The following PROSER3 variants were observed in gnomAD, a reference collection of about 807,000 sequenced individuals.
The protein encoded by PROSER3 is proline and serine-rich protein 3.
Under a neutral mutation model 50.2 loss-of-function variants are expected in PROSER3, and 33 were observed. The ratio of observed to expected loss-of-function variants is 0.66; its 90% CI spans 0.50 to 0.88. The LOEUF (loss-of-function observed/expected upper bound fraction) is 0.88, where lower values mean the gene tolerates loss of function less well. Among genes scored for constraint, PROSER3 ranks in the 40% least tolerant of loss-of-function variants. The probability of loss-of-function intolerance (pLI) is 0.00; values close to 1 mark genes in which losing one functional copy is unlikely to be tolerated. For missense variants in PROSER3, 623 were observed against 612.7 expected (o/e 1.02, Z -0.18); for synonymous variants, 266 against 259.3 (o/e 1.03, Z -0.25).
intron 3 of PROSER3, 84 bp from the exon 4 acceptor site, chr19:35,761,935 T>C (rs1047284794): frequency 7.1e-7 from 1 of 1,415,794 alleles, no homozygotes; most frequent in African/African-American, 1.4e-5. Context: ...CCATGGTGCT[T>C]GGTAAACGTT....
chr19:35,768,190 C>T (rs1971235694), exon 10 of PROSER3: 8 of 1,613,670 alleles, frequency 5.0e-6, no homozygotes, highest in Non-Finnish European at 6.8e-6. Context: ...CGATCCCGTG[C>T]TGCAGGTGCT....
chr19:35,765,049 C>T, exon 7 of PROSER3: 1 of 1,613,720 alleles, frequency 6.2e-7, no homozygotes, highest in Non-Finnish European at 8.5e-7. Flanking sequence ...CCTCCATCTC[C>T]TCCTCCTCCT....
At chr19:35,762,397 G>A in intron 5 of PROSER3, 41 bp downstream of exon 5, 1 of 1,494,154 alleles carries the variant, frequency 6.7e-7, no homozygotes, top group Non-Finnish European at 9.2e-7. Context: ...TGCCTGAACT[G>A]ACAACACCAG....
At chr19:35,766,797 C>G (rs773248717) in exon 8 of PROSER3, 3 of 1,550,952 alleles carry the variant, frequency 1.9e-6, no homozygotes, top group East Asian at 4.9e-5. Context: ...GGCCCAGACC[C>G]CCACCCCTGC....
downstream of PROSER3, among the ~76,000 whole-genome samples, chr19:35,770,328 G>A (rs959189451): frequency 7.2e-5 from 11 of 152,084 alleles, no homozygotes; most frequent in South Asian, 2.1e-4. Flanking sequence ...GTGAGCCACC[G>A]CACCTGGCCT....
chr19:35,759,887 G>A lies in PROSER3; in HGVS notation c.207G>A (p.Trp69Ter). 1 of 1,592,420 alleles carries A rather than the reference G, an allele frequency of 6.3e-7. No individual in the cohort carries two copies. Among genetic ancestry groups the A allele is most frequent in the South Asian group, 1.1e-5 (1 of 87,368 alleles). The change falls in exon 3 of 11, where the codon TGG becomes TGA. Residue 69 changes from tryptophan to a stop codon, truncating the protein, a stop_gained. Transcript: ENST00000396908. LOFTEE classifies it high-confidence loss of function. Reference sequence around the variant, plus strand: ...CCCCTGAGCTGTTTGAGGAGTCCTGGCCATCCAGTTCAGGGACCCCCTCCC... The same window carrying A: ...CCCCTGAGCTGTTTGAGGAGTCCTGACCATCCAGTTCAGGGACCCCCTCCC...
rs769264885 is a variant in PROSER3, at chr19:35,765,223, C to T, written c.769+47C>T. The T allele has an allele frequency of 7.6e-6, 12 of 1,584,284 alleles. No homozygotes were observed. In the East Asian group the frequency reaches 2.5e-4, roughly 33 times the overall value. ...CTGAGGGCAGCCTGGGTGCAAATCC[C>T]AACTCTGCCACTGACCAGCTATGGG... is the stretch of plus-strand genomic sequence containing the variant. On this transcript the variant is annotated intron_variant, in intron 7 of 10. Coordinates refer to ENST00000396908, the Ensembl canonical transcript of PROSER3.
Position 35,759,999 on chromosome 19 carries a change from C to A in PROSER3, c.311+8C>A. ...GGACTCCGTGGTGGCCAAGTAAGTA[C>A]CAGCAGCCCTGGGGGAAAAAGAGGC... is the stretch of plus-strand genomic sequence containing the variant. On this transcript the variant is annotated splice_region_variant and intron_variant, in intron 3 of 10. Transcript: ENST00000396908. 3 of 1,567,386 alleles carry A rather than the reference C, an allele frequency of 1.9e-6. No individual in the cohort carries two copies. Among genetic ancestry groups the A allele is most frequent in the Non-Finnish European group, 1.7e-6 (2 of 1,156,610 alleles).
intron 3 of PROSER3, among the ~76,000 whole-genome samples, chr19:35,760,963 T>A (rs1049130307): frequency 1.3e-5 from 2 of 152,146 alleles, no homozygotes; most frequent in African/African-American, 4.8e-5. Flanking sequence ...CAAGATAGAA[T>A]TTATTCCTCC....
chr19:35,770,052 G>A (rs548516625), downstream of PROSER3, among the ~76,000 whole-genome samples: 1 of 152,176 alleles, frequency 6.6e-6, no homozygotes, highest in South Asian at 2.1e-4. Flanking sequence ...CTACAGGCGT[G>A]TGCCACCACG....
In PROSER3 at chr19:35,768,041, G is replaced by T. The variant is rs989084164; in HGVS notation, c.1195G>T (p.Ala399Ser). 4 of 1,580,306 alleles carry T rather than the reference G, an allele frequency of 2.5e-6. No homozygotes were observed. The South Asian group carries it at 4.6e-5, about 18-fold the overall frequency. ...CTCGGAGGCCCTGCTTGCCCAGGCC[G>T]CCCTGCTGCTGCAGGCTGCAGAAGG... Residue 399 changes from alanine to serine, a missense_variant, in exon 9 of 11, where the codon GCC (alanine) becomes TCC (serine). By Grantham distance (99) the Ala-to-Ser change is moderately conservative. Around this residue, in one of 3 missense-constraint regions of PROSER3, gnomAD observed 380 missense variants for 346.8 expected, o/e 1.10. Coordinates refer to ENST00000396908, the Ensembl canonical transcript of PROSER3.
intron 6 of PROSER3, 44 bp downstream of exon 6, chr19:35,764,980 A>G: frequency 2.5e-6 from 4 of 1,612,906 alleles, no homozygotes; most frequent in Non-Finnish European, 3.4e-6. Flanking sequence ...CTGCGGCTCC[A>G]CGTGGCCCAG....
chr19:35,770,273 G>A (rs574713532), downstream of PROSER3, among the ~76,000 whole-genome samples: 2 of 151,688 alleles, frequency 1.3e-5, no homozygotes, highest in Admixed American at 1.3e-4. Context: ...CCTAACCTCA[G>A]GTGTCCCACC....
chr19:35,767,727 G>C, intron 8 of PROSER3: 1 of 1,527,332 alleles, frequency 6.5e-7, no homozygotes, highest in Non-Finnish European at 8.8e-7. Flanking sequence ...CCCAAGGCTG[G>C]ATCTCCGAAA....
At chr19:35,760,455 A>G (rs564247576) in intron 3 of PROSER3, among the ~76,000 whole-genome samples, 2 of 152,052 alleles carry the variant, frequency 1.3e-5, no homozygotes, top group South Asian at 4.2e-4. Flanking sequence ...CAGTTTATTT[A>G]TCTCTAAATT....
At chr19:35,767,860 G>C in exon 9 of PROSER3, 1 of 1,612,494 alleles carries the variant, frequency 6.2e-7, no homozygotes, top group South Asian at 1.1e-5. Flanking sequence ...TGATACGGAA[G>C]AGCGAAGCCA....
At chr19:35,765,046 C>T in exon 7 of PROSER3, 5 of 1,608,712 alleles carry the variant, frequency 3.1e-6, no homozygotes, top group South Asian at 1.1e-5. Flanking sequence ...AAGCCTCCAT[C>T]TCCTCCTCCT....
At chr19:35,764,275 C>T (rs1971063169) in intron 5 of PROSER3, among the ~76,000 whole-genome samples, 1 of 152,156 alleles carries the variant, frequency 6.6e-6, no homozygotes, top group South Asian at 2.1e-4. Context: ...GAGCCAACCA[C>T]TGTGAACCAG....
At chr19:35,758,248 G>C (rs1967615962) in intron 1 of PROSER3, 22 bp downstream of exon 1, 1 of 1,561,692 alleles carries the variant, frequency 6.4e-7, no homozygotes, top group African/African-American at 1.4e-5. Flanking sequence ...CGCTCTTCCA[G>C]GGACTACAGG....
Sources: gnomAD v4.1 joint callset for allele counts (sites outside exome capture counted in the v4.1 genomes callset) on GRCh38, gnomAD v4.1.1 for gene constraint, gnomAD v4.1.1 regional missense constraint, MANE v1.5 for transcripts, NCBI Gene and HGNC (gene_info 2026-07-23, HGNC 2026-07-21) for gene names.